Variants in ELAVL4 observed in about 807,000 individuals in gnomAD.
The protein encoded by ELAVL4 is ELAV-like protein 4.
ELAVL4 carries 1 observed loss-of-function variant against 35.6 expected under a neutral mutation model. That is an observed-to-expected ratio of 0.03 (90% confidence interval 0.01 to 0.13). The LOEUF (loss-of-function observed/expected upper bound fraction) is 0.13, where lower values mean the gene tolerates loss of function less well. ELAVL4 is among the 10% of genes least tolerant of loss of function. The pLI, the probability that ELAVL4 is intolerant of heterozygous loss-of-function variation, is 1.00. For missense variants in ELAVL4, 267 were observed against 464.9 expected, an observed-to-expected ratio of 0.57 and a Z score of 3.91; for synonymous variants, 156 against 171.0, an observed-to-expected ratio of 0.91 and a Z score of 0.69.
chr1:50,144,078 C>G (rs1290785672), intron 1 of ELAVL4, among the ~76,000 whole-genome samples: 1 of 152,136 alleles, frequency 6.6e-6, no homozygotes, highest in Non-Finnish European at 1.5e-5. Context: ...TGATCACTGC[C>G]CTATACCAGC....
upstream of ELAVL4, chr1:50,106,041 G>T: frequency 1.1e-5 from 4 of 355,842 alleles, no homozygotes; most frequent in Admixed American, 9.2e-5. Flanking sequence ...CTTTTTTTCC[G>T]CCTCATGGAA....
chr1:50,164,613 C>G (rs1677411376), intron 2 of ELAVL4, among the ~76,000 whole-genome samples: 1 of 152,114 alleles, frequency 6.6e-6, no homozygotes, highest in Non-Finnish European at 1.5e-5. Flanking sequence ...CTGGGCAACA[C>G]AGCAATACAA....
chr1:50,169,780 C>G (rs1678652067), intron 2 of ELAVL4, among the ~76,000 whole-genome samples: 1 of 152,194 alleles, frequency 6.6e-6, no homozygotes, highest in African/African-American at 2.4e-5. Context: ...TGAAGCCTTC[C>G]CTACTCTACT....
chr1:50,190,360 T>G (rs898944735), intron 3 of ELAVL4, among the ~76,000 whole-genome samples: 1 of 152,236 alleles, frequency 6.6e-6, no homozygotes, highest in African/African-American at 2.4e-5. Flanking sequence ...AGTCATTCAG[T>G]TAGAATTTAA....
intron 1 of ELAVL4, among the ~76,000 whole-genome samples, chr1:50,124,292 G>T (rs901425519): frequency 2.6e-5 from 4 of 151,974 alleles, no homozygotes; most frequent in Admixed American, 6.6e-5. Flanking sequence ...TATGTCACTT[G>T]CTGTCTGTAC....
chr1:50,054,993 T>C (rs1388537971), intron 1 of ELAVL4, among the ~76,000 whole-genome samples: 2 of 152,228 alleles, frequency 1.3e-5, no homozygotes, highest in East Asian at 3.9e-4. Flanking sequence ...ACCTATCCAA[T>C]CTACAGCTAC....
chr1:50,133,631 G>GA (rs1208170729), intron 1 of ELAVL4, among the ~76,000 whole-genome samples: 1 of 148,886 alleles, frequency 6.7e-6, no homozygotes, highest in African/African-American at 2.5e-5. Context: ...AAGAAAGAAA[G>GA]AAAGAAAGAA....
intron 1 of ELAVL4, among the ~76,000 whole-genome samples, chr1:50,075,897 G>A (rs552337877): frequency 2.2e-4 from 33 of 152,028 alleles, no homozygotes; most frequent in African/African-American, 3.4e-4. Flanking sequence ...GCATGATCTC[G>A]GCTCGCTGCA....
intron 1 of ELAVL4, among the ~76,000 whole-genome samples, chr1:50,083,166 C>G (rs1454230956): frequency 2.0e-5 from 3 of 152,152 alleles, no homozygotes; most frequent in Non-Finnish European, 4.4e-5. Flanking sequence ...AAGTGATCTT[C>G]CCACGTAATC....
chr1:50,078,896 C>T (rs914506345), intron 1 of ELAVL4, among the ~76,000 whole-genome samples: 2 of 152,098 alleles, frequency 1.3e-5, no homozygotes, highest in Non-Finnish European at 2.9e-5. Flanking sequence ...ATGCTCCTTC[C>T]ATTGTGAGCT....
chr1:50,194,761 T>C (rs529430742), intron 4 of ELAVL4, among the ~76,000 whole-genome samples: 7 of 152,116 alleles, frequency 4.6e-5, no homozygotes, highest in African/African-American at 1.7e-4. Context: ...CCATGCCTGG[T>C]GGGAATTGCT....
rs1039256341 is a variant in ELAVL4 at position 50,203,022 on chromosome 1, T to A, written c.*1844T>A. 2 of 152,208 alleles carry A rather than the reference T, an allele frequency of 1.3e-5. No individual in the cohort carries two copies. The highest frequency in any genetic ancestry group is 2.9e-5 in the Non-Finnish European group (2 of 68,020). The allele number at this position is 152,208 out of a possible 1,614,324, so 9.4% of individuals were successfully genotyped here. A position where few individuals can be genotyped will look rare whatever the true frequency, so the allele number is the denominator to read the frequency against. On this transcript the variant is annotated 3_prime_UTR_variant, in exon 7 of 7. Coordinates refer to ENST00000371824, the MANE Select transcript of ELAVL4 (RefSeq NM_001144774.3). ...TATGTTTGTGCTTTGTACGGTTATATATTTAAAACGAAAACAAAACAAAAA... is the reference window on the plus strand; with the variant it reads ...TATGTTTGTGCTTTGTACGGTTATAAATTTAAAACGAAAACAAAACAAAAA...
chr1:50,196,199 T>C (rs564195681), intron 5 of ELAVL4, among the ~76,000 whole-genome samples: 39 of 152,358 alleles, frequency 2.6e-4, no homozygotes, highest in African/African-American at 9.1e-4. Flanking sequence ...TTGTTTTTCC[T>C]ATCTTCTTTT....
intron 2 of ELAVL4, among the ~76,000 whole-genome samples, chr1:50,168,720 A>G (rs977761118): frequency 3.3e-5 from 5 of 152,080 alleles, no homozygotes; most frequent in Admixed American, 6.6e-5. Flanking sequence ...TTTATTTTGC[A>G]TAACGCTCTA....
chr1:50,081,852 C>T (rs1334555322), intron 1 of ELAVL4, among the ~76,000 whole-genome samples: 2 of 152,056 alleles, frequency 1.3e-5, no homozygotes, highest in Non-Finnish European at 1.5e-5. Context: ...CTGACAGGCC[C>T]TGGTGTGTGA....
chr1:50,057,049 T>C (rs949900773), intron 1 of ELAVL4, among the ~76,000 whole-genome samples: 27 of 152,176 alleles, frequency 1.8e-4, no homozygotes, highest in African/African-American at 6.5e-4. Flanking sequence ...AGGTGACAGG[T>C]CCATGTTTGT....
At chr1:50,095,677 G>A (rs1288111545) in intron 1 of ELAVL4, among the ~76,000 whole-genome samples, 2 of 152,082 alleles carry the variant, frequency 1.3e-5, no homozygotes, top group African/African-American at 4.8e-5. Context: ...TGAGAATATG[G>A]GCTACAATAT....
chr1:50,072,217 T>G lies in ELAVL4; in HGVS notation c.18+24035T>G, dbSNP rs1221837088. The stretch of plus-strand genomic sequence containing the variant: ...GTCCTGAAGTAAATGAATAAATAAA[T>G]AAGCAAATTGACTAAAGTTCAAACC... On this transcript the variant is annotated intron_variant, in intron 1 of 6. Transcript: ENST00000448907. 2.0e-5 allele frequency among the ~76,000 whole-genome samples: 3 copies of G among 152,260 alleles called. No individual in the cohort carries two copies. In the East Asian group the frequency reaches 5.8e-4, roughly 29 times the overall value.
Position 50,129,203 on chromosome 1 carries a change from C to T in ELAVL4, c.10-15754C>T, listed in dbSNP as rs183922296. ...CTTGCTCTGTTATCTCTACACTTCC[C>T]ACCACACCTTTCTGACTGTGCCCTG... On this transcript the variant is annotated intron_variant, in intron 1 of 6. Transcript: ENST00000371824. Among the ~76,000 whole-genome samples the T allele has an allele frequency of 3.9e-5, 6 of 152,164 alleles. No individual in the cohort carries two copies. In the East Asian group the frequency reaches 9.7e-4, roughly 25 times the overall value.
Sources: allele counts gnomAD v4.1 joint callset (sites outside exome capture counted in the v4.1 genomes callset), GRCh38; gene constraint gnomAD v4.1.1; transcripts MANE v1.5; gene names NCBI Gene and HGNC (gene_info 2026-07-23, HGNC 2026-07-21).